The following CPM variants were observed in gnomAD, a reference collection of about 807,000 sequenced individuals.
The protein encoded by CPM is carboxypeptidase M.
In CPM, 35 loss-of-function variants were observed where a neutral mutation model predicts 46.4. The observed-to-expected ratio is 0.75, with a 90% CI of 0.58 to 1.00. CPM has a LOEUF of 1.00. Ranked by LOEUF, CPM falls within the 50% of genes least tolerant of loss-of-function variation. CPM has a pLI of 0.00. For missense variants in CPM, 422 were observed against 530.4 expected (o/e 0.80, Z 2.01); for synonymous variants, 195 against 195.3 (o/e 1.00, Z 0.01).
chr12:68,913,329 G>C lies in CPM; in HGVS notation c.160+19349C>G, dbSNP rs113274729. On this transcript the variant is annotated intron_variant, in intron 2 of 8. Coordinates refer to ENST00000551568, the MANE Select transcript of CPM (RefSeq NM_198320.5). ...TGAATACAGGCAAATCAGTAGAGGT[G>C]GTTAAGGGTTTCTGGGCATTTTGAG... Among the ~76,000 whole-genome samples, 536 of 152,208 alleles carry C rather than the reference G, an allele frequency of 3.5e-3. 4 individuals carry two copies. Among genetic ancestry groups the C allele is most frequent in the African/African-American group, 0.012 (492 of 41,504 alleles).
At chr12:68,943,407 T>A (rs1382140865) in intron 1 of CPM, among the ~76,000 whole-genome samples, 1 of 152,210 alleles carries the variant, frequency 6.6e-6, no homozygotes, top group Non-Finnish European at 1.5e-5. Flanking sequence ...ATTATTACCA[T>A]CTAGTGAAGA....
intron 3 of CPM, 48 bp downstream of exon 3, chr12:68,885,744 G>A (rs1886399444): frequency 3.4e-6 from 5 of 1,464,476 alleles, no homozygotes; most frequent in South Asian, 1.1e-5. Context: ...AGAGACCCTA[G>A]GGGAAGCTTC....
At chr12:68,959,865 C>T (rs1444166464) in intron 1 of CPM, among the ~76,000 whole-genome samples, 1 of 152,204 alleles carries the variant, frequency 6.6e-6, no homozygotes, top group Admixed American at 6.5e-5. Flanking sequence ...TCTGCTATAT[C>T]CCCAGGCGTC....
intron 2 of CPM, among the ~76,000 whole-genome samples, chr12:68,931,065 C>T (rs1188705836): frequency 6.6e-6 from 1 of 152,180 alleles, no homozygotes; most frequent in Non-Finnish European, 1.5e-5. Flanking sequence ...ATTTCTCACA[C>T]ACCCAACCTC....
chr12:68,958,563 C>A (rs1431614148), intron 1 of CPM, among the ~76,000 whole-genome samples: 1 of 152,124 alleles, frequency 6.6e-6, no homozygotes, highest in South Asian at 2.1e-4. Flanking sequence ...AACTCCATCA[C>A]CAAGATACCT....
At chr12:68,878,083 T>A (rs1442700819) in intron 3 of CPM, among the ~76,000 whole-genome samples, 3 of 152,224 alleles carry the variant, frequency 2.0e-5, no homozygotes, top group Non-Finnish European at 4.4e-5. Context: ...AATGCCACAA[T>A]CATAAAATTC....
upstream of CPM, among the ~76,000 whole-genome samples, chr12:68,934,954 C>T (rs866985026): frequency 7.9e-5 from 12 of 151,750 alleles, no homozygotes; most frequent in Middle Eastern, 3.2e-3. Flanking sequence ...ATTCTGTTGC[C>T]CAGTCTGGAG....
chr12:68,884,108 C>CG (rs1347875229), intron 3 of CPM, among the ~76,000 whole-genome samples: 13 of 41,524 alleles, frequency 3.1e-4, no homozygotes, highest in African/African-American at 8.7e-4. Context: ...GAAATTCCAT[C>CG]GGAAAAAAAA....
At chr12:68,925,476 T>C (rs1888220732) in intron 2 of CPM, among the ~76,000 whole-genome samples, 1 of 152,194 alleles carries the variant, frequency 6.6e-6, no homozygotes, top group East Asian at 1.9e-4. Context: ...GCATTGATCA[T>C]AACAGCGAAA....
At chr12:68,867,927 A>G (rs541817638) in intron 6 of CPM, among the ~76,000 whole-genome samples, 3 of 152,318 alleles carry the variant, frequency 2.0e-5, no homozygotes, top group African/African-American at 4.8e-5. Context: ...GCAGTTCTGG[A>G]TAAGGCGGGT....
At chr12:68,881,496 G>A (rs1886187799) in intron 3 of CPM, among the ~76,000 whole-genome samples, 1 of 152,138 alleles carries the variant, frequency 6.6e-6, no homozygotes, top group African/African-American at 2.4e-5. Context: ...CTAGAAAGTG[G>A]GGGATAAGAT....
At chr12:68,920,580 A>G (rs996380093) in intron 2 of CPM, among the ~76,000 whole-genome samples, 1 of 152,146 alleles carries the variant, frequency 6.6e-6, no homozygotes, top group Admixed American at 6.6e-5. Context: ...TAGACATATC[A>G]TCTGCCTTCA....
intron 2 of CPM, among the ~76,000 whole-genome samples, chr12:68,921,431 C>T (rs568479328): frequency 6.6e-5 from 10 of 152,268 alleles, no homozygotes; most frequent in African/African-American, 1.4e-4. Flanking sequence ...TGTGAACCAC[C>T]GCAACCAGCC....
intron 2 of CPM, 145 bp from the exon 3 acceptor site, chr12:68,886,034 C>T: frequency 4.8e-6 from 3 of 625,946 alleles, no homozygotes; most frequent in East Asian, 2.8e-5. Context: ...ACTAACATCT[C>T]CATGCTTAAA....
chr12:68,929,218 T>C (rs1888402278), intron 2 of CPM, among the ~76,000 whole-genome samples: 1 of 152,088 alleles, frequency 6.6e-6, no homozygotes, highest in Non-Finnish European at 1.5e-5. Context: ...AGTAAATACA[T>C]TTGTATTTGA....
chr12:68,960,853 C>T (rs10878881), intron 1 of CPM, among the ~76,000 whole-genome samples: 54,688 of 152,046 alleles, frequency 0.36, 9,962 homozygotes, highest in South Asian at 0.48. Context: ...AACGATTCTG[C>T]ACCTACTTTG....
At chr12:68,956,295 G>A (rs980560241) in intron 1 of CPM, among the ~76,000 whole-genome samples, 1 of 152,220 alleles carries the variant, frequency 6.6e-6, no homozygotes, top group South Asian at 2.1e-4. Flanking sequence ...CAGGGGCAGG[G>A]GGAATTCCTG....
intron 3 of CPM, among the ~76,000 whole-genome samples, chr12:68,879,992 G>A (rs1178067468): frequency 1.3e-5 from 2 of 152,046 alleles, no homozygotes; most frequent in Non-Finnish European, 2.9e-5. Context: ...AGAATGAGGT[G>A]ATGGGGGAAG....
intron 2 of CPM, among the ~76,000 whole-genome samples, chr12:68,917,750 T>G (rs762945935): frequency 2.6e-5 from 4 of 152,220 alleles, no homozygotes; most frequent in Non-Finnish European, 4.4e-5. Context: ...TGATGCATCC[T>G]AGTACCTAGT....
Sources: gnomAD v4.1 joint callset for allele counts (sites outside exome capture counted in the v4.1 genomes callset) on GRCh38, gnomAD v4.1.1 for gene constraint, MANE v1.5 for transcripts, NCBI Gene and HGNC (gene_info 2026-07-23, HGNC 2026-07-21) for gene names.